Variants in VSTM2L observed in about 807,000 individuals in gnomAD.
The protein encoded by VSTM2L is V-set and transmembrane domain containing 2 like.
In VSTM2L, 9 loss-of-function variants were observed where a neutral mutation model predicts 19.9. The ratio of observed to expected loss-of-function variants is 0.45; its 90% confidence interval spans 0.27 to 0.79. VSTM2L has a LOEUF of 0.79. Among genes scored for constraint, VSTM2L ranks in the 30% least tolerant of loss-of-function variants. The pLI is 0.15. For missense variants in VSTM2L, 286 were observed against 295.5 expected (o/e 0.97, Z 0.24); for synonymous variants, 127 against 133.8 (o/e 0.95, Z 0.35).
intron 1 of VSTM2L, among the ~76,000 whole-genome samples, chr20:37,905,635 C>T (rs2072747775): frequency 6.6e-6 from 1 of 152,160 alleles, no homozygotes; most frequent in African/African-American, 2.4e-5. Flanking sequence ...TCTGGGTCTC[C>T]CTGTGTCCCT....
chr20:37,912,782 G>A (rs1018982358), intron 1 of VSTM2L, among the ~76,000 whole-genome samples: 2 of 152,154 alleles, frequency 1.3e-5, no homozygotes, highest in African/African-American at 4.8e-5. Context: ...CCTGGGAAGT[G>A]CCCTCCACCG....
chr20:37,921,388 G>A (rs772185823), intron 1 of VSTM2L, among the ~76,000 whole-genome samples: 1 of 152,208 alleles, frequency 6.6e-6, no homozygotes, highest in Non-Finnish European at 1.5e-5. Context: ...GTTTCCCAAT[G>A]AGGCCCAAGT....
intron 3 of VSTM2L, among the ~76,000 whole-genome samples, chr20:37,937,929 G>A (rs181297770): frequency 9.8e-5 from 15 of 152,328 alleles, no homozygotes; most frequent in Middle Eastern, 3.4e-3. Flanking sequence ...CTGGGTGTGT[G>A]CACTGGAGGA....
rs529671205 is a variant in VSTM2L at position 37,921,189 on chromosome 20, G to A, written c.122-10446G>A. ...AAGCAGGGCTTCCACCCTAGCCTGA[G>A]GAGGGAGAGTACCTTTAGGCAGAGG... On this transcript the variant is annotated intron_variant, in intron 1 of 3. Coordinates refer to ENST00000373461, the MANE Select transcript of VSTM2L (RefSeq NM_080607.3). Among the ~76,000 whole-genome samples the A allele has an allele frequency of 2.6e-5, 4 of 152,360 alleles. No homozygotes were observed. In the East Asian group the frequency reaches 7.7e-4, roughly 29 times the overall value.
chr20:37,916,118 C>T (rs961862603), intron 1 of VSTM2L, among the ~76,000 whole-genome samples: 3 of 152,254 alleles, frequency 2.0e-5, no homozygotes, highest in African/African-American at 2.4e-5. Context: ...CTATGCGCCT[C>T]GGCTTTGGGA....
At chr20:37,943,427 A>AT (rs35126131) in intron 3 of VSTM2L, among the ~76,000 whole-genome samples, 4,186 of 126,934 alleles carry the variant, frequency 0.033, 101 homozygotes, top group South Asian at 0.081. Flanking sequence ...AGGCGCCTCT[A>AT]TTTTTTTTTT....
intron 1 of VSTM2L, among the ~76,000 whole-genome samples, chr20:37,913,826 C>T (rs1396703671): frequency 6.6e-6 from 1 of 152,210 alleles, no homozygotes; most frequent in Non-Finnish European, 1.5e-5. Flanking sequence ...CTCCAAGAAT[C>T]GGCTCTGGAG....
At chr20:37,943,449 A>G (rs1397766069) in intron 3 of VSTM2L, among the ~76,000 whole-genome samples, 4 of 102,228 alleles carry the variant, frequency 3.9e-5, no homozygotes, top group South Asian at 3.3e-4. Flanking sequence ...TTTTTTTTTT[A>G]GGAAATGTAA....
intron 3 of VSTM2L, among the ~76,000 whole-genome samples, chr20:37,940,119 T>C (rs557643322): frequency 1.3e-5 from 2 of 151,880 alleles, no homozygotes; most frequent in Non-Finnish European, 1.5e-5. Context: ...CCTTGTAGGG[T>C]TGACAAATGA....
chr20:37,933,388 A>G (rs2072921628), intron 2 of VSTM2L, 151 bp from the exon 3 acceptor site: 1 of 636,388 alleles, frequency 1.6e-6, no homozygotes, highest in African/African-American at 1.8e-5. Context: ...CCCCAACTCC[A>G]GACTCCATGG....
At chr20:37,922,202 C>T (rs1262890553) in intron 1 of VSTM2L, among the ~76,000 whole-genome samples, 2 of 152,088 alleles carry the variant, frequency 1.3e-5, no homozygotes, top group South Asian at 2.1e-4. Flanking sequence ...CCTTCCCCTG[C>T]CCCCAGCCCC....
At chr20:37,912,765 AC>A (rs1216907332) in intron 1 of VSTM2L, among the ~76,000 whole-genome samples, 1 of 152,004 alleles carries the variant, frequency 6.6e-6, no homozygotes, top group Non-Finnish European at 1.5e-5. Context: ...AGCAGTGCCC[AC>A]CCGTACCTGG....
intron 1 of VSTM2L, among the ~76,000 whole-genome samples, chr20:37,929,983 A>G (rs895696443): frequency 6.6e-5 from 10 of 152,162 alleles, no homozygotes; most frequent in African/African-American, 2.4e-4. Context: ...GCCCCACACC[A>G]TCCCTCGCAA....
chr20:37,930,762 G>C (rs1048725346), intron 1 of VSTM2L, among the ~76,000 whole-genome samples: 1 of 152,110 alleles, frequency 6.6e-6, no homozygotes, highest in Admixed American at 6.5e-5. Flanking sequence ...GCAGGAGGCA[G>C]GAGTGGCTCC....
At chr20:37,911,544 C>T (rs963065957) in intron 1 of VSTM2L, among the ~76,000 whole-genome samples, 7 of 152,226 alleles carry the variant, frequency 4.6e-5, no homozygotes, top group Non-Finnish European at 7.3e-5. Flanking sequence ...CCCCCAACGC[C>T]GAGGATGCCC....
At chr20:37,928,160 CT>C (rs1447107750) in intron 1 of VSTM2L, among the ~76,000 whole-genome samples, 44 of 152,292 alleles carry the variant, frequency 2.9e-4, no homozygotes, top group African/African-American at 1.0e-3. Context: ...GTCCTCACCC[CT>C]CTCCTCATGT....
At chr20:37,939,307 G>A (rs780584462) in intron 3 of VSTM2L, among the ~76,000 whole-genome samples, 35 of 151,972 alleles carry the variant, frequency 2.3e-4, no homozygotes, top group Middle Eastern at 3.4e-3. Context: ...TCAGGAGGTC[G>A]GAGGGGGTGC....
chr20:37,925,203 C>T (rs772800746), intron 1 of VSTM2L, among the ~76,000 whole-genome samples: 1 of 152,038 alleles, frequency 6.6e-6, no homozygotes, highest in Non-Finnish European at 1.5e-5. Context: ...TTCAGGCCTG[C>T]CTCTGCTTGT....
At chr20:37,935,408 A>G (rs2072933833) in intron 3 of VSTM2L, among the ~76,000 whole-genome samples, 1 of 152,100 alleles carries the variant, frequency 6.6e-6, no homozygotes. Context: ...ACTTTTCTCC[A>G]TGGCCTTCAG....
Sources: allele counts gnomAD v4.1 joint callset (sites outside exome capture counted in the v4.1 genomes callset), GRCh38; gene constraint gnomAD v4.1.1; transcripts MANE v1.5; gene names NCBI Gene and HGNC (gene_info 2026-07-23, HGNC 2026-07-21).